The following CDH12 variants were observed in gnomAD, a reference collection of about 807,000 sequenced individuals.
CDH12 encodes the protein cadherin 12.
CDH12 carries 41 observed loss-of-function variants against 74.1 expected under a neutral mutation model. The ratio of observed to expected loss-of-function variants is 0.55; its 90% CI spans 0.43 to 0.72. The LOEUF (loss-of-function observed/expected upper bound fraction) is 0.72, where lower values mean the gene tolerates loss of function less well. Ranked by LOEUF, CDH12 falls within the 30% of genes least tolerant of loss-of-function variation. The probability of loss-of-function intolerance (pLI) is 0.00; values close to 1 mark genes in which losing one functional copy is unlikely to be tolerated. For synonymous variants in CDH12, 399 were observed against 355.0 expected, an observed-to-expected ratio of 1.12 and a Z score of -1.39; for missense variants, 945 against 977.2, an observed-to-expected ratio of 0.97 and a Z score of 0.44.
intron 3 of CDH12, among the ~76,000 whole-genome samples, chr5:22,231,749 C>T (rs751433304): frequency 2.6e-5 from 4 of 151,900 alleles, no homozygotes; most frequent in Non-Finnish European, 5.9e-5. Flanking sequence ...AATTCCAAAG[C>T]TTTACCATAT....
chr5:22,698,853 T>C (rs1035217450), intron 1 of CDH12, among the ~76,000 whole-genome samples: 2 of 150,670 alleles, frequency 1.3e-5, no homozygotes, highest in Admixed American at 6.6e-5. Flanking sequence ...ATGAACATGC[T>C]TTATGGTGGG....
chr5:21,921,025 T>A (rs1297194167), intron 6 of CDH12, among the ~76,000 whole-genome samples: 1 of 152,204 alleles, frequency 6.6e-6, no homozygotes, highest in Non-Finnish European at 1.5e-5. Context: ...TAGGAAGCAG[T>A]TACATACAGA....
chr5:21,776,315 T>G (rs187211186), intron 11 of CDH12, among the ~76,000 whole-genome samples: 1 of 152,292 alleles, frequency 6.6e-6, no homozygotes, highest in African/African-American at 2.4e-5. Context: ...GAACAAAGAT[T>G]CACCATAAAT....
intron 4 of CDH12, among the ~76,000 whole-genome samples, chr5:22,208,316 A>G (rs1388139582): frequency 2.0e-5 from 3 of 152,198 alleles, no homozygotes; most frequent in South Asian, 2.1e-4. Context: ...TCACCACTGC[A>G]TGGTATGCCT....
rs151126323 is a variant in CDH12 at position 22,407,564 on chromosome 5, G to A, written c.-427-2213C>T. The stretch of plus-strand genomic sequence containing the variant: ...TGAATCCCAAGTTGATCATAGCACT[G>A]CCTAATTAAATCCTTTTTATCTTTC... On this transcript the variant is annotated intron_variant, in intron 2 of 14. Transcript: ENST00000382254. Among the ~76,000 whole-genome samples the A allele has an allele frequency of 2.2e-4, 34 of 151,852 alleles. 1 individual carries two copies. In the East Asian group the frequency reaches 6.2e-3, roughly 28 times the overall value.
At chr5:21,780,291 G>A (rs1267103039) in intron 11 of CDH12, among the ~76,000 whole-genome samples, 1 of 152,140 alleles carries the variant, frequency 6.6e-6, no homozygotes, top group Non-Finnish European at 1.5e-5. Flanking sequence ...TAAACTTTCA[G>A]GGACTAATAA....
Position 22,175,571 on chromosome 5 carries a change from AT to A in CDH12, c.-187+36926del, listed in dbSNP as rs564787515. 2.8e-3 allele frequency among the ~76,000 whole-genome samples: 421 copies of A among 149,384 alleles called. 2 individuals are homozygous for A. Among genetic ancestry groups the A allele is most frequent in the African/African-American group, 9.6e-3 (392 of 40,932 alleles). On this transcript the variant is annotated intron_variant, in intron 4 of 14. Coordinates refer to ENST00000382254, the MANE Select transcript of CDH12 (RefSeq NM_004061.5). Reference sequence around the variant, plus strand: ...GAAATGTAAATTTTTTATAACCAAAATTAAGAAATATATGGTGTTAATTAAA... The same window carrying A: ...GAAATGTAAATTTTTTATAACCAAAATAAGAAATATATGGTGTTAATTAAA...
chr5:22,062,971 A>G (rs929083592), intron 5 of CDH12, among the ~76,000 whole-genome samples: 3 of 152,176 alleles, frequency 2.0e-5, no homozygotes, highest in African/African-American at 7.2e-5. Flanking sequence ...ACACAACTCA[A>G]TAACCAAATA....
intron 4 of CDH12, among the ~76,000 whole-genome samples, chr5:22,098,119 T>G (rs1254405708): frequency 6.6e-6 from 1 of 152,166 alleles, no homozygotes; most frequent in Non-Finnish European, 1.5e-5. Flanking sequence ...CTTTGCACCC[T>G]TCATCCCAGC....
intron 3 of CDH12, among the ~76,000 whole-genome samples, chr5:22,357,055 C>G (rs1257758125): frequency 6.6e-6 from 1 of 152,010 alleles, no homozygotes; most frequent in African/African-American, 2.4e-5. Flanking sequence ...ATCTATCTAT[C>G]TAGCTAGATA....
intron 3 of CDH12, among the ~76,000 whole-genome samples, chr5:22,319,600 G>A (rs1464746422): frequency 6.6e-6 from 1 of 152,102 alleles, no homozygotes; most frequent in African/African-American, 2.4e-5. Flanking sequence ...GGTTCATCAT[G>A]CAAATGGAAA....
At chr5:21,841,145 T>C (rs1014307298) in intron 8 of CDH12, among the ~76,000 whole-genome samples, 5 of 151,964 alleles carry the variant, frequency 3.3e-5, no homozygotes, top group Non-Finnish European at 7.4e-5. Flanking sequence ...TACGATGAAC[T>C]CAAACAAATT....
Position 21,755,857 on chromosome 5 carries a change from A to G in CDH12, c.1634-15T>C. Reference sequence around the variant, plus strand: ...CGCTGTGTTGTCTACAAAACATGACATTTATGGTAACATGGTTACTATAAG... The same window carrying G: ...CGCTGTGTTGTCTACAAAACATGACGTTTATGGTAACATGGTTACTATAAG... On this transcript the variant is annotated splice_polypyrimidine_tract_variant and intron_variant, in intron 13 of 14. Coordinates refer to ENST00000382254, the MANE Select transcript of CDH12 (RefSeq NM_004061.5). The G allele has an allele frequency of 1.9e-6, 3 of 1,613,272 alleles. No individual in the cohort carries two copies. Among genetic ancestry groups the G allele is most frequent in the Non-Finnish European group, 2.5e-6 (3 of 1,179,326 alleles).
intron 1 of CDH12, among the ~76,000 whole-genome samples, chr5:22,669,004 T>C (rs982699580): frequency 1.3e-5 from 2 of 152,178 alleles, no homozygotes; most frequent in Non-Finnish European, 2.9e-5. Context: ...TTACTTTCAC[T>C]TGAGGCACCA....
intron 5 of CDH12, among the ~76,000 whole-genome samples, chr5:22,003,354 A>G (rs1736719906): frequency 6.6e-6 from 1 of 152,190 alleles, no homozygotes; most frequent in Admixed American, 6.5e-5. Flanking sequence ...TCCGTTATCA[A>G]AGCAACTGAA....
intron 1 of CDH12, among the ~76,000 whole-genome samples, chr5:22,828,503 A>G (rs1736440938): frequency 6.6e-6 from 1 of 152,208 alleles, no homozygotes. Flanking sequence ...GACACGAAGT[A>G]GGAAGGGATA....
Position 21,842,159 on chromosome 5 carries a change from A to G in CDH12, c.814+2T>C. The G allele has an allele frequency of 6.2e-7, 1 of 1,604,724 alleles. No homozygotes were observed. The highest frequency in any genetic ancestry group is 8.5e-7 in the Non-Finnish European group (1 of 1,176,260). ...TTAGGCTTAACAGGAAAGGTGACAT[A>G]CTTTTGGGGAATCGAGGTGGATTGT... On this transcript the variant is annotated splice_donor_variant, in intron 8 of 14. Coordinates refer to ENST00000382254, the MANE Select transcript of CDH12 (RefSeq NM_004061.5). LOFTEE classifies it high-confidence loss of function.
chr5:22,331,365 C>T (rs1035690351), intron 3 of CDH12, among the ~76,000 whole-genome samples: 2 of 152,048 alleles, frequency 1.3e-5, no homozygotes, highest in Non-Finnish European at 2.9e-5. Flanking sequence ...GGTGGTTCAG[C>T]ACAGAAAGAG....
At chr5:22,799,308 C>A (rs975139224) in intron 1 of CDH12, among the ~76,000 whole-genome samples, 1 of 152,024 alleles carries the variant, frequency 6.6e-6, no homozygotes, top group African/African-American at 2.4e-5. Context: ...ATCATGGAAA[C>A]AGAATTACAG....
Sources: allele counts gnomAD v4.1 joint callset (sites outside exome capture counted in the v4.1 genomes callset), GRCh38; gene constraint gnomAD v4.1.1; transcripts MANE v1.5; gene names NCBI Gene and HGNC (gene_info 2026-07-23, HGNC 2026-07-21).